The following THAP4 variants were observed in gnomAD, a reference collection of about 807,000 sequenced individuals.
THAP4 encodes THAP domain containing 4.
THAP4 carries 18 observed loss-of-function variants against 48.1 expected under a neutral mutation model. The observed-to-expected ratio is 0.37, with a 90% CI of 0.26 to 0.56. THAP4 has a LOEUF of 0.56. Among genes scored for constraint, THAP4 ranks in the 20% least tolerant of loss-of-function variants. The pLI, the probability that THAP4 is intolerant of heterozygous loss-of-function variation, is 0.78. For missense variants in THAP4, 656 were observed against 774.9 expected, an observed-to-expected ratio of 0.85 and a Z score of 1.82; for synonymous variants, 345 against 324.9, an observed-to-expected ratio of 1.06 and a Z score of -0.66.
chr2:241,628,948 AG>A (rs1208663873), intron 2 of THAP4, among the ~76,000 whole-genome samples: 15 of 145,228 alleles, frequency 1.0e-4, no homozygotes, highest in African/African-American at 3.8e-4. Context: ...AAAAAAAAAA[AG>A]TCATTAAATA....
intron 5 of THAP4, among the ~76,000 whole-genome samples, chr2:241,595,074 G>A (rs533360966): frequency 4.6e-5 from 7 of 151,998 alleles, no homozygotes; most frequent in East Asian, 1.9e-4. Flanking sequence ...GTGCAGTGGC[G>A]CCATCTCAGC....
At position 241,612,760 on chromosome 2, in the gene THAP4, G is replaced by A. The variant is rs575947671; in HGVS notation, c.1241-6287C>T. On this transcript the variant is annotated intron_variant, in intron 2 of 5. Coordinates refer to ENST00000407315, the MANE Select transcript of THAP4 (RefSeq NM_015963.6). The surrounding 1 kb of genome is among the most constrained non-coding windows in gnomAD (Gnocchi z 4.1). ...TGGGTCAGTGTTTCTCCACAGCTGC[G>A]TTCTGTGGCAGAAGACGCTAGAGTC... Among the ~76,000 whole-genome samples the A allele has an allele frequency of 1.1e-4, 17 of 152,304 alleles. 1 individual carries two copies. In the South Asian group the frequency reaches 2.1e-3, roughly 19 times the overall value.
At chr2:241,632,053 G>A (rs759529192) in intron 2 of THAP4, among the ~76,000 whole-genome samples, 11 of 151,838 alleles carry the variant, frequency 7.2e-5, no homozygotes, top group Non-Finnish European at 1.2e-4. Flanking sequence ...CATTACAGGA[G>A]TGTGCCACCA....
At chr2:241,628,113 C>T (rs945796339) in intron 2 of THAP4, among the ~76,000 whole-genome samples, 1 of 152,050 alleles carries the variant, frequency 6.6e-6, no homozygotes, top group Non-Finnish European at 1.5e-5. Context: ...CTTCTCTCCA[C>T]TATCCTGGGG....
intron 2 of THAP4, among the ~76,000 whole-genome samples, chr2:241,632,643 C>T (rs749122748): frequency 4.6e-5 from 7 of 152,238 alleles, no homozygotes; most frequent in Non-Finnish European, 1.0e-4. Context: ...TCCACGGAGG[C>T]GTTCAGGCAC....
rs1165343894 is a variant in THAP4 at position 241,633,091 on chromosome 2, T to C, written c.1066A>G (p.Lys356Glu). The change falls in exon 2 of 6, where the codon AAG becomes GAG. Residue 356 changes from lysine (K) to glutamate (E), a missense_variant. Physicochemically the swap from Lys to Glu is moderately conservative, Grantham distance 56 (BLOSUM62 1). Transcript: ENST00000407315. The surrounding 1 kb of genome is among the most constrained non-coding windows in gnomAD (Gnocchi z 7.5). ...TCCCGCAGGCAGCACACCTGGCTCTTGTTCTGCCGGGAGGAGAAGCAGTAG... is the reference window on the plus strand; with the variant it reads ...TCCCGCAGGCAGCACACCTGGCTCTCGTTCTGCCGGGAGGAGAAGCAGTAG... ...HSYCFSSRQN[K>E]SQVCCLREQV... is the part of the protein sequence containing the mutation. 1 of 1,613,922 alleles carries C rather than the reference T, an allele frequency of 6.2e-7. No individual in the cohort carries two copies. The highest frequency in any genetic ancestry group is 1.3e-5 in the African/African-American group (1 of 74,932).
chr2:241,594,610 A>C (rs2067026197), intron 5 of THAP4: 1 of 355,332 alleles, frequency 2.8e-6, no homozygotes, highest in Admixed American at 2.7e-5. Flanking sequence ...ACAACAACAA[A>C]AACCGGGCAT....
At chr2:241,614,557 T>C (rs1170350778) in intron 2 of THAP4, among the ~76,000 whole-genome samples, 2 of 152,104 alleles carry the variant, frequency 1.3e-5, no homozygotes, top group Non-Finnish European at 1.5e-5. Flanking sequence ...AATAAGGTAG[T>C]TCTGACTGAT....
rs896483425 is a variant in THAP4 at position 241,603,181 on chromosome 2, T to C, written c.1401-102A>G. 3.2e-4 allele frequency: 272 copies of C among 853,324 alleles called. 1 individual carries two copies. The highest frequency in any genetic ancestry group is 5.5e-4 in the East Asian group (21 of 38,398). 52.9% of individuals were successfully genotyped at this position (853,324 alleles called of 1,614,324 possible). A position where few individuals can be genotyped will look rare whatever the true frequency, so the allele number is the denominator to read the frequency against. ...TCCAGGGTGCCCTCCAGGTGGCTGC[T>C]CCAGCCACACCCGCACACCTGTCTG... On this transcript the variant is annotated intron_variant, in intron 3 of 5. Coordinates refer to ENST00000407315, the MANE Select transcript of THAP4 (RefSeq NM_015963.6).
intron 2 of THAP4, among the ~76,000 whole-genome samples, chr2:241,619,903 T>G (rs1575033839): frequency 6.0e-5 from 2 of 33,128 alleles, no homozygotes; most frequent in African/African-American, 1.3e-4. Flanking sequence ...GAGTCGTGAG[T>G]GAGGGGTGAA....
intron 5 of THAP4, among the ~76,000 whole-genome samples, chr2:241,599,132 AC>A (rs1025643257): frequency 9.2e-5 from 14 of 151,696 alleles, no homozygotes; most frequent in African/African-American, 2.9e-4. Flanking sequence ...CATGCCTGTA[AC>A]CCCAGCTACT....
chr2:241,615,452 G>A (rs1453970978), intron 2 of THAP4, among the ~76,000 whole-genome samples: 3 of 152,202 alleles, frequency 2.0e-5, no homozygotes, highest in African/African-American at 7.2e-5. Context: ...TGCAGCACAG[G>A]GTTCTGGGTG....
intron 4 of THAP4, among the ~76,000 whole-genome samples, chr2:241,602,393 C>CT (rs2067126547): frequency 6.7e-6 from 1 of 148,680 alleles, no homozygotes; most frequent in African/African-American, 2.5e-5. Context: ...GAGACAGAAT[C>CT]TCGCTCTGTT....
At chr2:241,606,611 G>C (rs1042940321) in intron 2 of THAP4, 138 bp from the exon 3 acceptor site, 4 of 816,542 alleles carry the variant, frequency 4.9e-6, no homozygotes, top group African/African-American at 3.4e-5. Context: ...AAGAGCGGGA[G>C]AAAATGGTCA....
chr2:241,588,550 A>G (rs1287271581), intron 5 of THAP4, among the ~76,000 whole-genome samples: 1 of 152,260 alleles, frequency 6.6e-6, no homozygotes, highest in Non-Finnish European at 1.5e-5. Context: ...ACAATGATCA[A>G]GACAGCATGG....
chr2:241,602,079 C>T, intron 4 of THAP4, 80 bp from the exon 5 acceptor site: 1 of 1,427,258 alleles, frequency 7.0e-7, no homozygotes. Context: ...TGCCTGCAAG[C>T]CGGGACTCCA....
At chr2:241,609,162 C>T (rs1160692443) in intron 2 of THAP4, among the ~76,000 whole-genome samples, 3 of 152,290 alleles carry the variant, frequency 2.0e-5, no homozygotes, top group East Asian at 3.9e-4. Context: ...GCCAGGTGGC[C>T]GTGGTGGAGG....
chr2:241,604,042 C>T (rs2067150090), intron 3 of THAP4, among the ~76,000 whole-genome samples: 1 of 151,570 alleles, frequency 6.6e-6, no homozygotes, highest in Non-Finnish European at 1.5e-5. Flanking sequence ...ATCATTTCAC[C>T]AACCTTATGA....
intron 2 of THAP4, among the ~76,000 whole-genome samples, chr2:241,615,243 C>T (rs534618692): frequency 3.2e-4 from 48 of 152,228 alleles, no homozygotes; most frequent in African/African-American, 7.0e-4. Flanking sequence ...GACCGCTGGA[C>T]GTGGGTGTGG....
Sources: gnomAD v4.1 joint callset for allele counts (sites outside exome capture counted in the v4.1 genomes callset) on GRCh38, gnomAD v4.1.1 for gene constraint, Gnocchi (gnomAD v3.1) non-coding constraint, MANE v1.5 for transcripts, NCBI Gene and HGNC (gene_info 2026-07-23, HGNC 2026-07-21) for gene names.